The following PNLIPRP3 variants were observed in gnomAD, a reference collection of about 807,000 sequenced individuals.
PNLIPRP3 encodes pancreatic lipase-related protein 3.
PNLIPRP3 carries 58 observed loss-of-function variants against 52.8 expected under a neutral mutation model. That is an observed-to-expected ratio of 1.10 (90% CI 0.89 to 1.37). The LOEUF is 1.37. PNLIPRP3 is among the 40% of genes most tolerant of loss of function. The pLI is 0.00. For synonymous variants in PNLIPRP3, 192 were observed against 185.0 expected (o/e 1.04, Z -0.31); for missense variants, 593 against 561.6 (o/e 1.06, Z -0.57).
intron 5 of PNLIPRP3, among the ~76,000 whole-genome samples, chr10:116,460,013 G>A (rs561610875): frequency 1.6e-4 from 24 of 152,208 alleles, no homozygotes; most frequent in South Asian, 8.3e-4. Context: ...TGATCCACCC[G>A]CCTCGGCCTC....
intron 5 of PNLIPRP3, among the ~76,000 whole-genome samples, chr10:116,458,659 A>G (rs1003320174): frequency 5.9e-5 from 9 of 152,230 alleles, no homozygotes; most frequent in South Asian, 4.1e-4. Flanking sequence ...TGGTTCATTC[A>G]TATGCATGTT....
At chr10:116,438,668 G>C (rs1446661823) in intron 2 of PNLIPRP3, among the ~76,000 whole-genome samples, 1 of 152,168 alleles carries the variant, frequency 6.6e-6, no homozygotes, top group South Asian at 2.1e-4. Flanking sequence ...ATTGTTTGCT[G>C]TTAAAGTGTT....
Position 116,461,256 on chromosome 10 carries a change from T to C in PNLIPRP3, c.774T>C (p.Pro258=). The C allele has an allele frequency of 6.2e-7, 1 of 1,613,152 alleles. No homozygotes were observed. The highest frequency in any genetic ancestry group is 1.3e-5 in the African/African-American group (1 of 75,036). The change falls in exon 7 of 12, where the codon CCT becomes CCC. Residue 258 remains proline, a synonymous_variant. Coordinates refer to ENST00000369230, the MANE Select transcript of PNLIPRP3 (RefSeq NM_001011709.3). The stretch of plus-strand genomic sequence containing the variant: ...CAGGATGTGAAGACTTAATTACACC[T>C]TTACTGAAATTTAACTTCAATGCTT... ...HMPGCEDLIT[P]LLKFNFNAYK...
rs146101678 is a variant in PNLIPRP3 at position 116,442,206 on chromosome 10, C to T, written c.205-849C>T. ...TAACAAAATCACTTAAATTTATAGTCTCCTAAAGTCTTTGAGAGTTTTGTT... is the reference window on the plus strand; with the variant it reads ...TAACAAAATCACTTAAATTTATAGTTTCCTAAAGTCTTTGAGAGTTTTGTT... On this transcript the variant is annotated intron_variant, in intron 2 of 11. Coordinates refer to ENST00000369230, the MANE Select transcript of PNLIPRP3 (RefSeq NM_001011709.3). Among the ~76,000 whole-genome samples the T allele has an allele frequency of 2.1e-3, 318 of 152,226 alleles. 1 individual carries two copies. Among genetic ancestry groups the T allele is most frequent in the African/African-American group, 7.4e-3 (309 of 41,536 alleles).
At chr10:116,463,228 C>T (rs947016582) in intron 7 of PNLIPRP3, among the ~76,000 whole-genome samples, 1 of 151,748 alleles carries the variant, frequency 6.6e-6, no homozygotes, top group Non-Finnish European at 1.5e-5. Flanking sequence ...ATTGTTATTG[C>T]CCAGCGTTCT....
intron 7 of PNLIPRP3, among the ~76,000 whole-genome samples, chr10:116,465,400 TGGTGGGC>T (rs960703782): frequency 1.3e-5 from 2 of 151,456 alleles, no homozygotes; most frequent in African/African-American, 4.9e-5. Flanking sequence ...GCCGGCGTGG[TGGTGGGC>T]GCCTGTAGTC....
Position 116,466,054 on chromosome 10 carries a change from G to A in PNLIPRP3, c.813G>A (p.Met271Ile). 1 of 1,608,892 alleles carries A rather than the reference G, an allele frequency of 6.2e-7. No individual in the cohort carries two copies. Among genetic ancestry groups the A allele is most frequent in the Non-Finnish European group, 8.5e-7 (1 of 1,175,698 alleles). Residue 271 changes from methionine to isoleucine, a missense_variant, in exon 8 of 12, where the codon ATG (methionine) becomes ATA (isoleucine). Met to Ile is a conservative substitution (Grantham distance 10, BLOSUM62 1). Coordinates refer to ENST00000369230, the MANE Select transcript of PNLIPRP3 (RefSeq NM_001011709.3). ...KFNFNAYKKEMASFFDCNHAR... is the reference protein window; with the variant it reads ...KFNFNAYKKEIASFFDCNHAR... ...AATTGGGAATTGTTTTCACAGAAAT[G>A]GCTTCCTTCTTTGACTGTAACCATG...
chr10:116,475,218 G>A (rs1485603673), intron 10 of PNLIPRP3, among the ~76,000 whole-genome samples: 1 of 152,188 alleles, frequency 6.6e-6, no homozygotes, highest in Non-Finnish European at 1.5e-5. Flanking sequence ...TCACTTATAA[G>A]TGGGAGCTAA....
intron 5 of PNLIPRP3, among the ~76,000 whole-genome samples, chr10:116,458,980 G>T (rs1315756132): frequency 2.6e-5 from 4 of 152,032 alleles, no homozygotes; most frequent in Non-Finnish European, 5.9e-5. Context: ...ATCACTAGTG[G>T]CTTTTTGTGG....
At chr10:116,448,040 AAG>A (rs1174507233) in intron 4 of PNLIPRP3, among the ~76,000 whole-genome samples, 2 of 121,204 alleles carry the variant, frequency 1.7e-5, no homozygotes, top group Non-Finnish European at 3.7e-5. Flanking sequence ...GAAAGAAAGA[AAG>A]AGAAAGAAAG....
At position 116,461,199 on chromosome 10, in the gene PNLIPRP3, T is replaced by G. The variant is rs1355667175; in HGVS notation, c.717T>G (p.Leu239=). The change falls in exon 7 of 12, where the codon CTT becomes CTG. Residue 239 remains leucine, a synonymous_variant. Coordinates refer to ENST00000369230, the MANE Select transcript of PNLIPRP3 (RefSeq NM_001011709.3). ...GVGTIDACGH[L]DFYPNGGKHM... ...GAACCATTGATGCTTGTGGTCATCT[T>G]GACTTTTACCCAAATGGAGGGAAGC... The G allele has an allele frequency of 1.2e-6, 2 of 1,614,214 alleles. No homozygotes were observed. The highest frequency in any genetic ancestry group is 1.7e-6 in the Non-Finnish European group (2 of 1,180,016).
chr10:116,455,924 A>G, intron 5 of PNLIPRP3, 94 bp downstream of exon 5: 1 of 853,900 alleles, frequency 1.2e-6, no homozygotes, highest in Non-Finnish European at 1.9e-6. Context: ...TGCAGAAGAA[A>G]ATATAAGATA....
At chr10:116,470,974 G>A (rs1461280837) in intron 9 of PNLIPRP3, among the ~76,000 whole-genome samples, 8 of 152,282 alleles carry the variant, frequency 5.3e-5, no homozygotes, top group South Asian at 2.1e-4. Context: ...TGGAGAGACA[G>A]CAGGGGGAGC....
rs1411768664 is a variant in PNLIPRP3, at chr10:116,461,248, A to T, written c.766A>T (p.Ile256Phe). Residue 256 changes from isoleucine (I) to phenylalanine (F), a missense_variant, in exon 7 of 12, where the codon ATT (isoleucine) becomes TTT (phenylalanine). Coordinates refer to ENST00000369230, the MANE Select transcript of PNLIPRP3 (RefSeq NM_001011709.3). ...GCACATGCCAGGATGTGAAGACTTAATTACACCTTTACTGAAATTTAACTT... is the reference window on the plus strand; with the variant it reads ...GCACATGCCAGGATGTGAAGACTTATTTACACCTTTACTGAAATTTAACTT... ...GKHMPGCEDL[I>F]TPLLKFNFNA... 1.2e-6 allele frequency: 2 copies of T among 1,613,426 alleles called. No individual in the cohort carries two copies. The highest frequency in any genetic ancestry group is 1.1e-5 in the South Asian group (1 of 91,066).
chr10:116,451,680 C>T (rs946753480), intron 4 of PNLIPRP3, among the ~76,000 whole-genome samples: 2 of 152,174 alleles, frequency 1.3e-5, no homozygotes, highest in African/African-American at 4.8e-5. Context: ...ACCCCAGTCC[C>T]ACCTTTGCCT....
chr10:116,475,072 G>A lies in PNLIPRP3; in HGVS notation c.1173-1580G>A, dbSNP rs554418987. On this transcript the variant is annotated intron_variant, in intron 10 of 11. Coordinates refer to ENST00000369230, the MANE Select transcript of PNLIPRP3 (RefSeq NM_001011709.3). ...TGACAGACTGGATAAAGAAAATGTG[G>A]TACTTATATACCATGGAATACTATG... Among the ~76,000 whole-genome samples the A allele has an allele frequency of 3.3e-5, 5 of 152,284 alleles. No individual in the cohort carries two copies. In the East Asian group the frequency reaches 9.6e-4, roughly 29 times the overall value.
chr10:116,469,089 CT>C, intron 8 of PNLIPRP3, 95 bp from the exon 9 acceptor site: 1 of 1,214,718 alleles, frequency 8.2e-7, no homozygotes. Context: ...TATTTAGATC[CT>C]GGAGATTTAT....
chr10:116,455,106 T>G (rs1291489023), intron 4 of PNLIPRP3, among the ~76,000 whole-genome samples: 1 of 152,228 alleles, frequency 6.6e-6, no homozygotes, highest in Non-Finnish European at 1.5e-5. Context: ...GTGATGTTGA[T>G]TTGCATTTCT....
At chr10:116,449,854 C>G (rs1479562249) in intron 4 of PNLIPRP3, among the ~76,000 whole-genome samples, 4 of 152,160 alleles carry the variant, frequency 2.6e-5, no homozygotes. Context: ...GAGGTCAGAA[C>G]AAAATCTTAG....
Sources: allele counts gnomAD v4.1 joint callset (sites outside exome capture counted in the v4.1 genomes callset), GRCh38; gene constraint gnomAD v4.1.1; transcripts MANE v1.5; gene names NCBI Gene and HGNC (gene_info 2026-07-23, HGNC 2026-07-21).